Variants in ADARB1 observed in about 807,000 individuals in gnomAD.
The protein encoded by ADARB1 is double-stranded RNA-specific editase 1.
In ADARB1, 10 loss-of-function variants were observed where a neutral mutation model predicts 52.4. The observed-to-expected ratio is 0.19, with a 90% CI of 0.12 to 0.32. ADARB1 has a LOEUF of 0.32. Ranked by LOEUF, ADARB1 falls within the 10% of genes least tolerant of loss-of-function variation. The pLI is 1.00. For missense variants in ADARB1, 643 were observed against 922.3 expected (o/e 0.70, Z 3.92); for synonymous variants, 349 against 371.1 (o/e 0.94, Z 0.68).
intron 9 of ADARB1, among the ~76,000 whole-genome samples, chr21:45,209,298 T>TC (rs1317896896): frequency 6.6e-6 from 1 of 152,248 alleles, no homozygotes; most frequent in Non-Finnish European, 1.5e-5. Flanking sequence ...ATTGTTTAGA[T>TC]GAAGCCGTAA....
At chr21:45,143,006 C>T (rs60462990) in intron 2 of ADARB1, among the ~76,000 whole-genome samples, 2,553 of 152,258 alleles carry the variant, frequency 0.017, 70 homozygotes, top group African/African-American at 0.057. Flanking sequence ...AAGTAGCAGC[C>T]GTGTCCAGCC....
intron 1 of ADARB1, among the ~76,000 whole-genome samples, chr21:45,115,584 C>G (rs1324469371): frequency 6.6e-6 from 1 of 152,204 alleles, no homozygotes; most frequent in East Asian, 1.9e-4. Context: ...TCAGCATAAT[C>G]TCTTCCCCTT....
intron 5 of ADARB1, chr21:45,181,553 T>C (rs905110224): frequency 6.6e-6 from 1 of 152,380 alleles, no homozygotes; most frequent in Non-Finnish European, 1.5e-5. Flanking sequence ...CATGGGTGAG[T>C]GAGCTGGTCA....
At chr21:45,152,867 A>G (rs1448269184) in intron 2 of ADARB1, among the ~76,000 whole-genome samples, 1 of 152,112 alleles carries the variant, frequency 6.6e-6, no homozygotes, top group Non-Finnish European at 1.5e-5. Context: ...GGCATTTTAT[A>G]GAATTTTAGA....
intron 9 of ADARB1, among the ~76,000 whole-genome samples, chr21:45,212,267 C>T (rs931283381): frequency 1.3e-5 from 2 of 152,100 alleles, no homozygotes; most frequent in Non-Finnish European, 2.9e-5. Flanking sequence ...CTAGCCATTC[C>T]CCCACAAAAG....
At chr21:45,159,866 T>C (rs1231265214) in intron 2 of ADARB1, among the ~76,000 whole-genome samples, 1 of 152,234 alleles carries the variant, frequency 6.6e-6, no homozygotes, top group East Asian at 1.9e-4. Flanking sequence ...AAGTGACCCT[T>C]TTCCCTGTTC....
intron 2 of ADARB1, chr21:45,152,629 G>A (rs1249683289): frequency 8.9e-6 from 4 of 450,024 alleles, no homozygotes; most frequent in African/African-American, 6.0e-5. Context: ...CCACCACTGG[G>A]CCTTTGCACA....
intron 2 of ADARB1, chr21:45,152,708 G>T: frequency 4.6e-6 from 2 of 433,304 alleles, no homozygotes; most frequent in East Asian, 7.6e-5. Flanking sequence ...TGAGAGGAAA[G>T]GTAATTCATT....
intron 2 of ADARB1, among the ~76,000 whole-genome samples, chr21:45,129,332 TA>T (rs2088788768): frequency 6.6e-6 from 1 of 152,216 alleles, no homozygotes; most frequent in Non-Finnish European, 1.5e-5. Context: ...AAAATCCCAG[TA>T]AAATTAGTAT....
intron 1 of ADARB1, among the ~76,000 whole-genome samples, chr21:45,079,096 G>A (rs2086054957): frequency 6.6e-6 from 1 of 152,156 alleles, no homozygotes; most frequent in African/African-American, 2.4e-5. Context: ...TGTGAAAGCT[G>A]GGTGACTGTA....
chr21:45,136,128 C>T (rs951274746), intron 2 of ADARB1, among the ~76,000 whole-genome samples: 1 of 152,072 alleles, frequency 6.6e-6, no homozygotes, highest in African/African-American at 2.4e-5. Context: ...AGTGGAGGAC[C>T]ACGAACTCCC....
intron 8 of ADARB1, among the ~76,000 whole-genome samples, chr21:45,197,391 T>C (rs891166404): frequency 1.3e-5 from 2 of 151,434 alleles, no homozygotes; most frequent in Non-Finnish European, 2.9e-5. Flanking sequence ...TCCCAGCTAC[T>C]CAGGAGGCTG....
chr21:45,100,316 C>T (rs956704678), intron 1 of ADARB1, among the ~76,000 whole-genome samples: 31 of 152,088 alleles, frequency 2.0e-4, no homozygotes, highest in African/African-American at 7.0e-4. Flanking sequence ...CTTGCACTGG[C>T]CCCCGTCAGT....
chr21:45,123,748 A>C (rs1387079882), intron 1 of ADARB1, among the ~76,000 whole-genome samples: 1 of 152,104 alleles, frequency 6.6e-6, no homozygotes, highest in Admixed American at 6.6e-5. Context: ...CCACAGGTGC[A>C]CACCAGCATG....
chr21:45,125,234 C>A (rs144882953), intron 1 of ADARB1, among the ~76,000 whole-genome samples: 1 of 152,204 alleles, frequency 6.6e-6, no homozygotes, highest in Non-Finnish European at 1.5e-5. Flanking sequence ...GTTTCTCTTG[C>A]CGCCTGATGA....
chr21:45,098,788 C>T (rs2086878194), intron 1 of ADARB1, among the ~76,000 whole-genome samples: 1 of 152,210 alleles, frequency 6.6e-6, no homozygotes, highest in South Asian at 2.1e-4. Context: ...CTTTCGAGCA[C>T]TTTCCTCAGC....
chr21:45,163,162 C>T (rs576350219), intron 2 of ADARB1, among the ~76,000 whole-genome samples: 100 of 152,350 alleles, frequency 6.6e-4, no homozygotes, highest in African/African-American at 2.2e-3. Context: ...ATCCCTTTCA[C>T]ATCAATAGTA....
intron 1 of ADARB1, among the ~76,000 whole-genome samples, chr21:45,112,082 T>G (rs2087566297): frequency 6.6e-6 from 1 of 152,234 alleles, no homozygotes; most frequent in African/African-American, 2.4e-5. Flanking sequence ...ACCTGCTTAC[T>G]AGTGAGATTG....
chr21:45,129,634 G>A (rs947091633), intron 2 of ADARB1, among the ~76,000 whole-genome samples: 7 of 152,252 alleles, frequency 4.6e-5, no homozygotes, highest in Non-Finnish European at 1.0e-4. Flanking sequence ...CTCCCGCCTG[G>A]GAGTTCGGGA....
Sources: gnomAD v4.1 joint callset for allele counts (sites outside exome capture counted in the v4.1 genomes callset) on GRCh38, gnomAD v4.1.1 for gene constraint, MANE v1.5 for transcripts, NCBI Gene and HGNC (gene_info 2026-07-23, HGNC 2026-07-21) for gene names.